The following COMMD10 variants were observed in gnomAD, a reference collection of about 807,000 sequenced individuals.
COMMD10 encodes COMM domain-containing protein 10.
A neutral mutation model predicts 28.9 loss-of-function variants in COMMD10; 33 were observed. That is an observed-to-expected ratio of 1.14 (90% CI 0.87 to 1.53). COMMD10 has a LOEUF of 1.53. Among genes scored for constraint, COMMD10 ranks in the 40% most tolerant of loss-of-function variants. The pLI is 0.00. For missense variants in COMMD10, 310 were observed against 233.4 expected (o/e 1.33, Z -2.14); for synonymous variants, 110 against 81.7 (o/e 1.35, Z -1.87).
chr5:116,103,455 A>G (rs1041600763), intron 4 of COMMD10, among the ~76,000 whole-genome samples: 3 of 152,208 alleles, frequency 2.0e-5, no homozygotes, highest in African/African-American at 7.2e-5. Context: ...TTTTGGCTGC[A>G]TAAATGTCTT....
chr5:116,162,354 C>T (rs78674814), intron 5 of COMMD10, among the ~76,000 whole-genome samples: 3,457 of 151,274 alleles, frequency 0.023, 50 homozygotes, highest in Non-Finnish European at 0.033. Flanking sequence ...GTTTCATTGA[C>T]CTATTTAAAT....
At position 116,139,585 on chromosome 5, in the gene COMMD10, G is replaced by A. The variant is rs180749095; in HGVS notation, c.510+5407G>A. Among the ~76,000 whole-genome samples, 98 of 132,548 alleles carry A rather than the reference G, an allele frequency of 7.4e-4. 4 individuals are homozygous for A. The East Asian group carries it at 0.013, about 18-fold the overall frequency. 87.0% of individuals were successfully genotyped at this position (132,548 alleles called of 152,430 possible). ...TTTAGCTACTTATGTGAGTTCGTCT[G>A]CATTTTCCTTTTTTTTTTCATTGAA... On this transcript the variant is annotated intron_variant, in intron 5 of 6. Coordinates refer to ENST00000274458, the MANE Select transcript of COMMD10 (RefSeq NM_016144.4).
intron 4 of COMMD10, among the ~76,000 whole-genome samples, chr5:116,126,888 C>T (rs1751666488): frequency 6.6e-6 from 1 of 152,146 alleles, no homozygotes; most frequent in Non-Finnish European, 1.5e-5. Flanking sequence ...GTCTAAAACA[C>T]CAAAAGCAAT....
intron 5 of COMMD10, among the ~76,000 whole-genome samples, chr5:116,173,965 T>C (rs944657689): frequency 3.3e-5 from 5 of 152,038 alleles, no homozygotes; most frequent in Non-Finnish European, 5.9e-5. Context: ...CTTCCAGGTA[T>C]TGAAGATACA....
At chr5:116,110,695 T>G (rs1334927028) in intron 4 of COMMD10, among the ~76,000 whole-genome samples, 1 of 152,130 alleles carries the variant, frequency 6.6e-6, no homozygotes, top group African/African-American at 2.4e-5. Context: ...CAGGCTGTAC[T>G]GGAAGCATGA....
intron 5 of COMMD10, among the ~76,000 whole-genome samples, chr5:116,226,199 T>C (rs1175715107): frequency 6.6e-6 from 1 of 152,042 alleles, no homozygotes; most frequent in Non-Finnish European, 1.5e-5. Context: ...TTTGCTTTAA[T>C]CTAGTATCTT....
chr5:116,118,251 A>C (rs1751307141), intron 4 of COMMD10, among the ~76,000 whole-genome samples: 1 of 152,026 alleles, frequency 6.6e-6, no homozygotes, highest in South Asian at 2.1e-4. Context: ...ATTTTTCTCC[A>C]TAATATTTAT....
At chr5:116,101,677 A>C (rs190681243) in intron 4 of COMMD10, among the ~76,000 whole-genome samples, 1 of 152,280 alleles carries the variant, frequency 6.6e-6, no homozygotes, top group African/African-American at 2.4e-5. Flanking sequence ...CGCTTGCCTC[A>C]GCCTCCCAAA....
At chr5:116,204,705 A>G (rs984374950) in intron 5 of COMMD10, among the ~76,000 whole-genome samples, 1 of 152,184 alleles carries the variant, frequency 6.6e-6, no homozygotes, top group Admixed American at 6.5e-5. Context: ...CAGCACCATA[A>G]TTAAATTGCA....
In COMMD10 at chr5:116,087,550, G is replaced by A. The variant is rs1409881651; in HGVS notation, c.95G>A (p.Arg32Gln). ...GCAATAGATACAGGAAGATTTCCACGGTTGCTCACTCGGATTCTTCAAAAA... is the reference window on the plus strand; with the variant it reads ...GCAATAGATACAGGAAGATTTCCACAGTTGCTCACTCGGATTCTTCAAAAA... Reference protein sequence around the residue: ...INAIDTGRFPRLLTRILQKLH... With the variant: ...INAIDTGRFPQLLTRILQKLH... Residue 32 changes from arginine to glutamine, a missense_variant, in exon 2 of 7, where the codon CGG (arginine) becomes CAG (glutamine). Physicochemically the swap from Arg to Gln is conservative, Grantham distance 43. Coordinates refer to ENST00000274458, the MANE Select transcript of COMMD10 (RefSeq NM_016144.4). 6.2e-7 allele frequency: 1 copy of A among 1,612,660 alleles called. No individual in the cohort carries two copies.
intron 5 of COMMD10, among the ~76,000 whole-genome samples, chr5:116,174,062 A>G (rs532564827): frequency 1.3e-5 from 2 of 152,244 alleles, no homozygotes; most frequent in East Asian, 1.9e-4. Flanking sequence ...TGTATACTCT[A>G]TCAGGTTGTG....
intron 4 of COMMD10, among the ~76,000 whole-genome samples, chr5:116,110,837 G>T (rs1393645870): frequency 6.6e-6 from 1 of 152,078 alleles, no homozygotes; most frequent in Non-Finnish European, 1.5e-5. Context: ...TAAACCACCA[G>T]ATCTCAAGAG....
intron 4 of COMMD10, among the ~76,000 whole-genome samples, chr5:116,113,384 T>A (rs1205332525): frequency 6.6e-6 from 1 of 151,554 alleles, no homozygotes; most frequent in Non-Finnish European, 1.5e-5. Context: ...TTCAATCTAT[T>A]ATTTTGTTAA....
chr5:116,164,427 TTC>T (rs1346128432), intron 5 of COMMD10, among the ~76,000 whole-genome samples: 1 of 152,248 alleles, frequency 6.6e-6, no homozygotes, highest in Non-Finnish European at 1.5e-5. Context: ...TTGACAGTTG[TTC>T]ACACAAAGGT....
chr5:116,247,507 T>C (rs528625990), intron 5 of COMMD10, among the ~76,000 whole-genome samples: 27 of 152,006 alleles, frequency 1.8e-4, no homozygotes, highest in Admixed American at 5.3e-4. Context: ...CATTTTATTA[T>C]AAAGACACAT....
At chr5:116,213,248 A>G (rs1441565939) in intron 5 of COMMD10, among the ~76,000 whole-genome samples, 1 of 152,088 alleles carries the variant, frequency 6.6e-6, no homozygotes, top group Non-Finnish European at 1.5e-5. Flanking sequence ...TAATTTTTCC[A>G]CTAATAGGAG....
chr5:116,093,688 A>G (rs1030310267), intron 4 of COMMD10, among the ~76,000 whole-genome samples: 13 of 152,214 alleles, frequency 8.5e-5, no homozygotes, highest in Admixed American at 3.3e-4. Flanking sequence ...TAAAATTTGT[A>G]TGAAACCAAA....
At chr5:116,203,931 A>G (rs955666523) in intron 5 of COMMD10, among the ~76,000 whole-genome samples, 19 of 152,206 alleles carry the variant, frequency 1.2e-4, no homozygotes, top group African/African-American at 3.4e-4. Context: ...CTCCAATTAA[A>G]AGACACAGGC....
chr5:116,168,453 G>A (rs1256599026), intron 5 of COMMD10, among the ~76,000 whole-genome samples: 3 of 152,080 alleles, frequency 2.0e-5, no homozygotes, highest in African/African-American at 7.3e-5. Context: ...GGATACTTAG[G>A]ACTTGAACTC....
Sources: allele counts gnomAD v4.1 joint callset (sites outside exome capture counted in the v4.1 genomes callset), GRCh38; gene constraint gnomAD v4.1.1; transcripts MANE v1.5; gene names NCBI Gene and HGNC (gene_info 2026-07-23, HGNC 2026-07-21).